The following NR4A3 variants were observed in gnomAD, a reference collection of about 807,000 sequenced individuals.
NR4A3 encodes the protein chondrosarcoma, extraskeletal myxoid, fused to EWS.
Under a neutral mutation model 55.6 loss-of-function variants are expected in NR4A3, and 13 were observed. The observed-to-expected ratio is 0.23, with a 90% confidence interval of 0.15 to 0.37. The LOEUF is 0.37. NR4A3 is among the 10% of genes least tolerant of loss of function. NR4A3 has a pLI of 1.00. For missense variants in NR4A3, 646 were observed against 822.8 expected, an observed-to-expected ratio of 0.79 and a Z score of 2.63; for synonymous variants, 342 against 357.9, an observed-to-expected ratio of 0.96 and a Z score of 0.50.
chr9:99,843,420 A>G (rs1051057641), intron 5 of NR4A3, among the ~76,000 whole-genome samples: 4 of 152,150 alleles, frequency 2.6e-5, no homozygotes, highest in African/African-American at 9.7e-5. Flanking sequence ...GTTTTATCTC[A>G]CAGAAATTCA....
chr9:99,847,300 A>C (rs1827771319), intron 6 of NR4A3, 137 bp from the exon 7 acceptor site: 1 of 725,614 alleles, frequency 1.4e-6, no homozygotes. Context: ...CATTGTGGGT[A>C]TCTGGCATGC....
In NR4A3 at chr9:99,822,526, C is replaced by G. The variant is rs1345236337; in HGVS notation, c.-177+119C>G. ...GGGGTTCCCTCCCCTGACCTTGCCG[C>G]CCGGCTCCGGCTTTGCTAGCCCAGC... On this transcript the variant is annotated intron_variant, in intron 1 of 7. Coordinates refer to ENST00000395097, the MANE Select transcript of NR4A3 (RefSeq NM_006981.4). This position sits in a 1 kb window ranked among gnomAD's most constrained non-coding sequence, Gnocchi z 4.9. The G allele has an allele frequency of 6.6e-6, 1 of 152,400 alleles. No homozygotes were observed. The highest frequency in any genetic ancestry group is 1.5e-5 in the Non-Finnish European group (1 of 68,104). 9.4% of individuals were successfully genotyped at this position (152,400 alleles called of 1,614,324 possible). A position where few individuals can be genotyped will look rare whatever the true frequency, so the allele number is the denominator to read the frequency against.
chr9:99,855,843 T>G (rs1248885820), intron 7 of NR4A3, among the ~76,000 whole-genome samples: 2 of 152,218 alleles, frequency 1.3e-5, no homozygotes, highest in African/African-American at 4.8e-5. Flanking sequence ...AACAGCATTG[T>G]TGTCACCAAG....
chr9:99,853,335 T>TAA (rs1405250796), intron 7 of NR4A3, among the ~76,000 whole-genome samples: 7 of 149,876 alleles, frequency 4.7e-5, no homozygotes, highest in Admixed American at 1.3e-4. Context: ...TTTTTTTTTT[T>TAA]TTTTTATTAT....
intron 7 of NR4A3, among the ~76,000 whole-genome samples, chr9:99,850,813 G>A (rs1225455698): frequency 1.3e-5 from 2 of 152,170 alleles, no homozygotes; most frequent in East Asian, 3.8e-4. Flanking sequence ...CTGGATTCAG[G>A]ATAGGCAACT....
At chr9:99,826,847 T>G (rs368839669) in intron 2 of NR4A3, 5 of 1,554,672 alleles carry the variant, frequency 3.2e-6, no homozygotes, top group Non-Finnish European at 4.4e-6. Context: ...CACTTCTCTA[T>G]TAGTCACACC....
chr9:99,831,984 C>T (rs959490990), intron 3 of NR4A3, among the ~76,000 whole-genome samples: 1 of 151,816 alleles, frequency 6.6e-6, no homozygotes, highest in Admixed American at 6.6e-5. Flanking sequence ...TGTCATATAT[C>T]TTTCTTTGTC....
At chr9:99,848,753 G>A (rs1378322705) in intron 7 of NR4A3, among the ~76,000 whole-genome samples, 3 of 152,200 alleles carry the variant, frequency 2.0e-5, no homozygotes, top group Admixed American at 6.5e-5. Context: ...CCCAAGGTGG[G>A]GTGGGATGGA....
Position 99,863,988 on chromosome 9 carries a change from A to G in NR4A3, c.*121A>G, listed in dbSNP as rs1828050925. The stretch of plus-strand genomic sequence containing the variant: ...CCTTAAGAGGAAAAGCAGCTCCTGT[A>G]GAAAGCAAAGACTTTCTTTTTTTTC... On this transcript the variant is annotated 3_prime_UTR_variant, in exon 8 of 8. Coordinates refer to ENST00000395097, the MANE Select transcript of NR4A3 (RefSeq NM_006981.4). 1 of 1,170,470 alleles carries G rather than the reference A, an allele frequency of 8.5e-7. No homozygotes were observed. Among genetic ancestry groups the G allele is most frequent in the African/African-American group, 1.5e-5 (1 of 65,004 alleles). 72.5% of individuals were successfully genotyped at this position (1,170,470 alleles called of 1,614,324 possible).
chr9:99,832,040 T>C (rs1470366868), intron 3 of NR4A3, among the ~76,000 whole-genome samples: 1 of 152,218 alleles, frequency 6.6e-6, no homozygotes, highest in African/African-American at 2.4e-5. Flanking sequence ...CTTCCTTGGA[T>C]ATAATAATGA....
intron 5 of NR4A3, among the ~76,000 whole-genome samples, chr9:99,837,736 A>C (rs2118557568): frequency 6.6e-6 from 1 of 152,310 alleles, no homozygotes. Flanking sequence ...GTCAAGTTTG[A>C]GAGTTGATTT....
chr9:99,863,674 C>T lies in NR4A3; in HGVS notation c.1688C>T (p.Thr563Ile), dbSNP rs772936056. The T allele has an allele frequency of 1.2e-6, 2 of 1,614,020 alleles. No homozygotes were observed. The highest frequency in any genetic ancestry group is 4.5e-5 in the East Asian group (2 of 44,834). The change falls in exon 8 of 8, where the codon ACA (threonine) becomes ATA (isoleucine). Residue 563 changes from threonine to isoleucine, a missense_variant. Thr to Ile is a moderately conservative substitution (Grantham distance 89). Around this residue, in one of 5 missense-constraint regions of NR4A3, gnomAD observed 163 missense variants for 233.0 expected, o/e 0.70. Transcript: ENST00000395097. ...GTCGAAGAGCTATGCAACAAGATCA[C>T]AAGCAGTTTAAAAGACCACCAGAGT... ...KRVEELCNKI[T>I]SSLKDHQSKG...
In NR4A3 at chr9:99,866,468, G is replaced by C. The variant is rs1273136647; in HGVS notation, c.*2601G>C. The C allele has an allele frequency of 1.8e-5, 4 of 227,018 alleles. No individual in the cohort carries two copies. Among genetic ancestry groups the C allele is most frequent in the African/African-American group, 8.9e-5 (4 of 44,984 alleles). The allele number at this position is 227,018 out of a possible 1,614,324, so 14.1% of individuals were successfully genotyped here. The stretch of plus-strand genomic sequence containing the variant: ...TTTTTAGTAATAGGTCCAGATATGA[G>C]TGCTAAAAATAAAGATGATAGCATG... On this transcript the variant is annotated 3_prime_UTR_variant, in exon 8 of 8. Transcript: ENST00000395097.
intron 2 of NR4A3, chr9:99,826,900 TCC>T: frequency 8.2e-7 from 1 of 1,223,418 alleles, no homozygotes; most frequent in Non-Finnish European, 1.2e-6. Context: ...CACCTGGTTT[TCC>T]TTTGGCTCAG....
At chr9:99,847,682 C>T in intron 7 of NR4A3, 67 bp downstream of exon 7, 1 of 1,470,984 alleles carries the variant, frequency 6.8e-7, no homozygotes, top group Non-Finnish European at 9.4e-7. Context: ...TGGAATCTGG[C>T]CTTGACCACT....
chr9:99,829,033 C>T, intron 3 of NR4A3, 40 bp downstream of exon 3: 1 of 1,305,934 alleles, frequency 7.7e-7, no homozygotes, highest in Non-Finnish European at 9.7e-7. Context: ...ACCCAGCCCC[C>T]TCACTGAAGG....
chr9:99,844,521 G>A (rs1827719108), intron 5 of NR4A3, 128 bp from the exon 6 acceptor site: 3 of 689,106 alleles, frequency 4.4e-6, no homozygotes, highest in East Asian at 2.7e-5. Flanking sequence ...ATGTGAAGGG[G>A]TTTTATAAAC....
chr9:99,834,794 A>C, intron 5 of NR4A3: 4 of 985,422 alleles, frequency 4.1e-6, no homozygotes, highest in Non-Finnish European at 4.8e-6. Context: ...TCTGCACCTG[A>C]TAACAAAACG....
At chr9:99,835,155 G>A (rs1360650952) in intron 5 of NR4A3, 1 of 155,676 alleles carries the variant, frequency 6.4e-6, no homozygotes, top group Non-Finnish European at 1.4e-5. Flanking sequence ...TGCCCTGTAT[G>A]TTATTTCCTT....
Sources: allele counts gnomAD v4.1 joint callset (sites outside exome capture counted in the v4.1 genomes callset), GRCh38; gene constraint gnomAD v4.1.1; regional missense constraint gnomAD v4.1.1; non-coding constraint Gnocchi (gnomAD v3.1); transcripts MANE v1.5; gene names NCBI Gene and HGNC (gene_info 2026-07-23, HGNC 2026-07-21).